TEX36: variants seen among roughly 807,000 people sequenced by gnomAD.
TEX36 encodes testis-expressed protein 36.
In TEX36, 12 loss-of-function variants were observed where a neutral mutation model predicts 13.6. That is an observed-to-expected ratio of 0.88 (90% confidence interval 0.56 to 1.43). The LOEUF is 1.43. Ranked by LOEUF, TEX36 falls within the 40% of genes most tolerant of loss-of-function variation. TEX36 has a pLI of 0.00. For synonymous variants in TEX36, 93 were observed against 83.0 expected, an observed-to-expected ratio of 1.12 and a Z score of -0.65; for missense variants, 224 against 228.3, an observed-to-expected ratio of 0.98 and a Z score of 0.12.
At chr10:125,680,487 C>T (rs758206738) in intron 1 of TEX36, among the ~76,000 whole-genome samples, 4 of 152,030 alleles carry the variant, frequency 2.6e-5, no homozygotes, top group East Asian at 1.9e-4. Flanking sequence ...AACAAGTTGG[C>T]GGTGAAATTT....
At position 125,663,150 on chromosome 10, in the gene TEX36, C is replaced by G. The variant is rs138184206; in HGVS notation, c.52-1173G>C. On this transcript the variant is annotated intron_variant, in intron 1 of 3. Transcript: ENST00000368821. ...ATGAGAGAGACTAAACTTTCTCAAG[C>G]CTCGGTTTCCCTATCTGTAAAATGG... is the stretch of plus-strand genomic sequence containing the variant. 1.8e-3 allele frequency among the ~76,000 whole-genome samples: 278 copies of G among 152,304 alleles called. 2 individuals carry two copies. The highest frequency in any genetic ancestry group is 6.5e-3 in the African/African-American group (272 of 41,554).
chr10:125,675,409 C>A (rs1018022459), intron 1 of TEX36, among the ~76,000 whole-genome samples: 1 of 149,936 alleles, frequency 6.7e-6, no homozygotes, highest in African/African-American at 2.5e-5. Context: ...GCAGCAGGCA[C>A]CCACGGTGAT....
rs544450270 is a variant in TEX36 at position 125,641,961 on chromosome 10, C to G, written c.264+19060G>C. 3.9e-5 allele frequency among the ~76,000 whole-genome samples: 6 copies of G among 152,244 alleles called. No individual in the cohort carries two copies. The East Asian group carries it at 1.2e-3, about 29-fold the overall frequency. On this transcript the variant is annotated intron_variant, in intron 3 of 3. Transcript: ENST00000526819. ...TTTTAAGGGGAGGTTATCTAATTTG[C>G]GTTTCCATGGGTGGTAAATATACCC...
chr10:125,675,112 T>C (rs976472860), intron 1 of TEX36, among the ~76,000 whole-genome samples: 7 of 151,374 alleles, frequency 4.6e-5, no homozygotes, highest in Non-Finnish European at 8.8e-5. Context: ...AACCCCTGGC[T>C]GGAGTTGCTG....
At chr10:125,601,579 A>G (rs1846147449) in intron 3 of TEX36, among the ~76,000 whole-genome samples, 1 of 152,266 alleles carries the variant, frequency 6.6e-6, no homozygotes, top group Non-Finnish European at 1.5e-5. Flanking sequence ...TTACCTATGC[A>G]CAATGGTGCT....
chr10:125,677,176 G>A (rs1234022553), intron 1 of TEX36, among the ~76,000 whole-genome samples: 1 of 152,126 alleles, frequency 6.6e-6, no homozygotes, highest in Non-Finnish European at 1.5e-5. Context: ...AACATTTCAT[G>A]GAGAAGACCT....
chr10:125,661,386 C>G (rs993305769), intron 2 of TEX36, among the ~76,000 whole-genome samples: 1 of 152,182 alleles, frequency 6.6e-6, no homozygotes, highest in Non-Finnish European at 1.5e-5. Context: ...TGTACAGGCT[C>G]ATGGAGCCAA....
At chr10:125,603,073 C>T (rs1298779051) in intron 3 of TEX36, among the ~76,000 whole-genome samples, 3 of 152,194 alleles carry the variant, frequency 2.0e-5, no homozygotes, top group African/African-American at 7.2e-5. Context: ...CCAAGCATGA[C>T]AGAACTGGGC....
chr10:125,679,363 G>A (rs1847360992), intron 1 of TEX36, among the ~76,000 whole-genome samples: 1 of 152,056 alleles, frequency 6.6e-6, no homozygotes, highest in Non-Finnish European at 1.5e-5. Flanking sequence ...GATGCTTCTG[G>A]GGCCCAGGAG....
chr10:125,647,864 C>T (rs1470185441), intron 3 of TEX36, among the ~76,000 whole-genome samples: 1 of 152,226 alleles, frequency 6.6e-6, no homozygotes, highest in Non-Finnish European at 1.5e-5. Context: ...ATATCCCGCG[C>T]CTGGCTCAGA....
At chr10:125,677,889 C>T (rs546697698) in intron 1 of TEX36, among the ~76,000 whole-genome samples, 1 of 152,102 alleles carries the variant, frequency 6.6e-6, no homozygotes, top group South Asian at 2.1e-4. Flanking sequence ...ACCATGTTGG[C>T]CAGGCTGGTC....
intron 3 of TEX36, among the ~76,000 whole-genome samples, chr10:125,580,765 T>C (rs754265464): frequency 5.9e-5 from 9 of 152,130 alleles, no homozygotes; most frequent in Non-Finnish European, 1.2e-4. Context: ...GGTAGGGAAA[T>C]GACCCATCCC....
At chr10:125,677,241 A>C (rs997798961) in intron 1 of TEX36, among the ~76,000 whole-genome samples, 8 of 152,118 alleles carry the variant, frequency 5.3e-5, no homozygotes, top group Non-Finnish European at 1.0e-4. Flanking sequence ...GAATGTCTAG[A>C]TCTCTTTCTG....
chr10:125,607,040 T>C (rs999075308), intron 3 of TEX36, among the ~76,000 whole-genome samples: 21 of 152,216 alleles, frequency 1.4e-4, no homozygotes, highest in Non-Finnish European at 2.8e-4. Flanking sequence ...TTCATTCACA[T>C]GCAAATGCTT....
chr10:125,631,128 C>T (rs977810399), intron 3 of TEX36, among the ~76,000 whole-genome samples: 2 of 152,208 alleles, frequency 1.3e-5, no homozygotes, highest in East Asian at 1.9e-4. Context: ...ACTGAAGCAG[C>T]AAATCAGGCA....
In TEX36 at chr10:125,639,610, TG is replaced by T. The variant is rs1438653924; in HGVS notation, c.265-17966del. ...AAGGGAATGGGGCAATGTGGGGGGG[TG>T]GGGGAAGCTGAGGGTGGGAGGGGCT... On this transcript the variant is annotated intron_variant, in intron 3 of 3. Coordinates refer to the TEX36 transcript ENST00000526819. Among the ~76,000 whole-genome samples the T allele has an allele frequency of 9.3e-5, 4 of 43,158 alleles. No individual in the cohort carries two copies. In the Admixed American group the frequency reaches 1.0e-3, roughly 11 times the overall value. The allele number at this position is 43,158 out of a possible 152,430, so 28.3% of individuals were successfully genotyped here. A position where few individuals can be genotyped will look rare whatever the true frequency, so the allele number is the denominator to read the frequency against.
chr10:125,630,317 T>G (rs1463699838), intron 3 of TEX36, among the ~76,000 whole-genome samples: 1 of 152,158 alleles, frequency 6.6e-6, no homozygotes, highest in Non-Finnish European at 1.5e-5. Context: ...GGAAGGAGGC[T>G]CAAAGTCTGG....
At chr10:125,635,779 G>A (rs1172725009) in intron 3 of TEX36, among the ~76,000 whole-genome samples, 1 of 152,092 alleles carries the variant, frequency 6.6e-6, no homozygotes, top group Non-Finnish European at 1.5e-5. Context: ...CTTCTGGGAT[G>A]GTGGGTTCCA....
At chr10:125,588,175 G>A (rs1845980627) in intron 3 of TEX36, among the ~76,000 whole-genome samples, 2 of 152,180 alleles carry the variant, frequency 1.3e-5, no homozygotes, top group Non-Finnish European at 2.9e-5. Context: ...ACAGACATTT[G>A]TAATTTGGAT....
Sources: gnomAD v4.1 joint callset for allele counts (sites outside exome capture counted in the v4.1 genomes callset) on GRCh38, gnomAD v4.1.1 for gene constraint, MANE v1.5 for transcripts, NCBI Gene and HGNC (gene_info 2026-07-23, HGNC 2026-07-21) for gene names.